Variants in ZFX observed in about 807,000 individuals in gnomAD.
ZFX encodes the protein zinc finger protein X-linked, also known as zinc finger X-chromosomal protein.
For synonymous variants in ZFX, 196 were observed against 226.8 expected (o/e 0.86, Z 1.22); for missense variants, 362 against 628.3 (o/e 0.58, Z 4.53).
At chrX:24,172,481 C>G (rs1934720612) in intron 3 of ZFX, among the ~76,000 whole-genome samples, 2 of 112,289 alleles carry the variant, frequency 1.8e-5, no homozygotes, top group Admixed American at 9.5e-5. Context: ...ATTGCTTCAA[C>G]TTAAAAAGAA....
intron 9 of ZFX, among the ~76,000 whole-genome samples, chrX:24,209,450 T>C (rs754879460): frequency 8.9e-6 from 1 of 112,856 alleles, no homozygotes; most frequent in Admixed American, 9.4e-5. Context: ...ATGATTTGCG[T>C]ATTAAAAATT....
At position 24,214,083 on chromosome X, in the gene ZFX, G is replaced by A. The variant is rs1256134625; in HGVS notation, c.*2707G>A. On this transcript the variant is annotated 3_prime_UTR_variant, in exon 10 of 10. Transcript: ENST00000304543. ...TAAAACATACTTGTCTGTATAAAGAGAAAATGAAATTGTAGTCACTGTTAT... is the reference window on the plus strand; with the variant it reads ...TAAAACATACTTGTCTGTATAAAGAAAAAATGAAATTGTAGTCACTGTTAT... The A allele has an allele frequency of 2.7e-5, 3 of 111,570 alleles. No individual in the cohort carries two copies. In the Admixed American group the frequency reaches 2.9e-4, roughly 11 times the overall value. 9.2% of individuals were successfully genotyped at this position (111,570 alleles called of 1,213,427 possible). A position where few individuals can be genotyped will look rare whatever the true frequency, so the allele number is the denominator to read the frequency against.
chrX:24,170,682 C>T (rs1934510243), intron 3 of ZFX, among the ~76,000 whole-genome samples: 1 of 97,159 alleles, frequency 1.0e-5, no homozygotes, highest in South Asian at 4.9e-4. Context: ...ATGATCTTGG[C>T]TCATTGCAAC....
intron 5 of ZFX, among the ~76,000 whole-genome samples, chrX:24,185,310 C>T (rs1936020041): frequency 9.0e-6 from 1 of 111,568 alleles, no homozygotes; most frequent in Non-Finnish European, 1.9e-5. Flanking sequence ...TTCATCATCC[C>T]CTTTCCTTTC....
intron 3 of ZFX, 134 bp from the exon 4 acceptor site, chrX:24,172,581 T>C: frequency 7.1e-6 from 3 of 421,389 alleles, no homozygotes; most frequent in Non-Finnish European, 1.2e-5. Flanking sequence ...TATTTTACTT[T>C]AGATAAGTAA....
intron 5 of ZFX, among the ~76,000 whole-genome samples, chrX:24,193,345 A>G (rs1251951640): frequency 8.9e-6 from 1 of 112,277 alleles, no homozygotes; most frequent in African/African-American, 3.2e-5. Flanking sequence ...GAAAAAGACC[A>G]CATGTTGTAT....
intron 3 of ZFX, among the ~76,000 whole-genome samples, chrX:24,159,008 T>A (rs940996430): frequency 9.1e-6 from 1 of 109,447 alleles, no homozygotes; most frequent in Non-Finnish European, 1.9e-5. Flanking sequence ...TAGTTTTTTT[T>A]ATTTTTCATT....
chrX:24,201,460 AAAC>A (rs1366412431), intron 5 of ZFX, among the ~76,000 whole-genome samples: 1 of 112,704 alleles, frequency 8.9e-6, no homozygotes, highest in Admixed American at 9.4e-5. Flanking sequence ...TGACATGCAA[AAAC>A]AACAAGCCTG....
In ZFX at chrX:24,209,162, A is replaced by G. The variant is rs1303511311; in HGVS notation, c.1234+122A>G. ...TGCTAGACCATATATAGCTTTGTCT[A>G]TTGAACTTGAAAATATAATTTTCAG... On this transcript the variant is annotated intron_variant, in intron 9 of 9. Coordinates refer to ENST00000304543, the MANE Select transcript of ZFX (RefSeq NM_003410.4). 12 of 990,373 alleles carry G rather than the reference A, an allele frequency of 1.2e-5. No individual in the cohort carries two copies. In the South Asian group the frequency reaches 1.4e-4, roughly 12 times the overall value. The allele number at this position is 990,373 out of a possible 1,213,427, so 81.6% of individuals were successfully genotyped here. A position where few individuals can be genotyped will look rare whatever the true frequency, so the allele number is the denominator to read the frequency against.
At chrX:24,181,151 ACTT>A (rs1181712764) in intron 5 of ZFX, among the ~76,000 whole-genome samples, 4 of 112,696 alleles carry the variant, frequency 3.5e-5, no homozygotes, top group Non-Finnish European at 1.9e-5. Context: ...ATTTTAGGAA[ACTT>A]CTTTGAGATT....
intron 5 of ZFX, among the ~76,000 whole-genome samples, chrX:24,184,349 C>T (rs1352137391): frequency 9.0e-6 from 1 of 111,544 alleles, no homozygotes; most frequent in East Asian, 2.8e-4. Context: ...CTTGACTTCT[C>T]TCTGCACTTT....
intron 3 of ZFX, among the ~76,000 whole-genome samples, chrX:24,159,938 C>CA (rs1488013047): frequency 9.0e-6 from 1 of 111,428 alleles, no homozygotes; most frequent in Non-Finnish European, 1.9e-5. Context: ...GTCATTTATA[C>CA]AAAATGAACA....
In ZFX at chrX:24,172,697, C is replaced by G; in HGVS notation, c.-28-18C>G. ...TGAAAAAACTAATGGCTTTGGTTTA[C>G]TTTTTTCCCTGATTTAGGAGCTGTG... is the stretch of plus-strand genomic sequence containing the variant. On this transcript the variant is annotated intron_variant, in intron 3 of 9. Coordinates refer to ENST00000304543, the MANE Select transcript of ZFX (RefSeq NM_003410.4). 9.0e-7 allele frequency: 1 copy of G among 1,114,700 alleles called. No homozygotes were observed. The highest frequency in any genetic ancestry group is 1.8e-5 in the African/African-American group (1 of 54,440). The allele number at this position is 1,114,700 out of a possible 1,213,427, so 91.9% of individuals were successfully genotyped here.
At position 24,212,167 on chromosome X, in the gene ZFX, TCTC is replaced by T. The variant is rs1193080186; in HGVS notation, c.*794_*796del. Reference sequence around the variant, plus strand: ...ACTTACTGAGGACTGCATTTTGGAATCTCCTAGAGGTAACTCATGGCTTATAGG... The same window carrying T: ...ACTTACTGAGGACTGCATTTTGGAATCTAGAGGTAACTCATGGCTTATAGG... On this transcript the variant is annotated 3_prime_UTR_variant, in exon 10 of 10. Coordinates refer to ENST00000304543, the MANE Select transcript of ZFX (RefSeq NM_003410.4). 1 of 112,260 alleles carries T rather than the reference TCTC, an allele frequency of 8.9e-6. No individual in the cohort carries two copies. Among genetic ancestry groups the T allele is most frequent in the East Asian group, 2.8e-4 (1 of 3,595 alleles). The allele number at this position is 112,260 out of a possible 1,213,427, so 9.3% of individuals were successfully genotyped here. A position where few individuals can be genotyped will look rare whatever the true frequency, so the allele number is the denominator to read the frequency against.
intron 5 of ZFX, among the ~76,000 whole-genome samples, chrX:24,191,215 T>C (rs1469753376): frequency 8.9e-6 from 1 of 111,889 alleles, no homozygotes; most frequent in Non-Finnish European, 1.9e-5. Flanking sequence ...ATGCTACAGA[T>C]CACTCTAACT....
intron 5 of ZFX, among the ~76,000 whole-genome samples, chrX:24,201,668 TC>T (rs1937304143): frequency 8.9e-6 from 1 of 112,258 alleles, no homozygotes; most frequent in Non-Finnish European, 1.9e-5. Context: ...AGTTTGAAAT[TC>T]CAAACCACCT....
chrX:24,189,758 A>T (rs1393751980), intron 5 of ZFX, among the ~76,000 whole-genome samples: 1 of 111,553 alleles, frequency 9.0e-6, no homozygotes, highest in African/African-American at 3.3e-5. Flanking sequence ...CCTATCTTTA[A>T]TGTATAAACT....
intron 5 of ZFX, among the ~76,000 whole-genome samples, chrX:24,202,795 ACATCT>A (rs899056823): frequency 4.5e-5 from 5 of 112,212 alleles, no homozygotes; most frequent in East Asian, 2.8e-4. Flanking sequence ...AGCTGGCTTC[ACATCT>A]CATTCATTCA....
In ZFX at chrX:24,211,839, C is replaced by G. The variant is rs1378467856; in HGVS notation, c.*463C>G. On this transcript the variant is annotated 3_prime_UTR_variant, in exon 10 of 10. Coordinates refer to ENST00000304543, the MANE Select transcript of ZFX (RefSeq NM_003410.4). Reference sequence around the variant, plus strand: ...TAATATAAATGGGAGATTTTACAGTCAGGTCTAATTATCATAACATGGAAG... The same window carrying G: ...TAATATAAATGGGAGATTTTACAGTGAGGTCTAATTATCATAACATGGAAG... 8.5e-6 allele frequency: 1 copy of G among 117,218 alleles called. No homozygotes were observed. Among genetic ancestry groups the G allele is most frequent in the Non-Finnish European group, 1.8e-5 (1 of 56,503 alleles). 9.7% of individuals were successfully genotyped at this position (117,218 alleles called of 1,213,427 possible).
Sources: allele counts gnomAD v4.1 joint callset (sites outside exome capture counted in the v4.1 genomes callset), GRCh38; gene constraint gnomAD v4.1.1; transcripts MANE v1.5; gene names NCBI Gene and HGNC (gene_info 2026-07-23, HGNC 2026-07-21).